Variants in SEM1 observed in about 807,000 individuals in gnomAD.
SEM1 encodes the protein SEM1 26S proteasome subunit.
SEM1 carries 3 observed loss-of-function variants against 12.7 expected under a neutral mutation model. The ratio of observed to expected loss-of-function variants is 0.24; its 90% CI spans 0.11 to 0.61. The LOEUF is 0.61. Ranked by LOEUF, SEM1 falls within the 20% of genes least tolerant of loss-of-function variation. SEM1 has a pLI of 0.88. For missense variants in SEM1, 59 were observed against 81.3 expected (o/e 0.73, Z 1.06); for synonymous variants, 30 against 27.8 (o/e 1.08, Z -0.25).
intron 1 of SEM1, among the ~76,000 whole-genome samples, chr7:96,698,421 C>T (rs897548874): frequency 7.8e-6 from 1 of 128,040 alleles, no homozygotes; most frequent in African/African-American, 3.6e-5. Context: ...CCTTGCTTCC[C>T]ACCCCGACAG....
chr7:96,707,732 TAC>T (rs1312183891), intron 1 of SEM1, among the ~76,000 whole-genome samples: 1 of 152,200 alleles, frequency 6.6e-6, no homozygotes, highest in Non-Finnish European at 1.5e-5. Flanking sequence ...AAGCACAAAC[TAC>T]ACTCGCAAAA....
intron 2 of SEM1, among the ~76,000 whole-genome samples, chr7:96,569,376 G>T (rs1305046593): frequency 6.6e-6 from 1 of 152,020 alleles, no homozygotes; most frequent in Non-Finnish European, 1.5e-5. Context: ...TGTGTACTTT[G>T]CAGTGAATGG....
chr7:96,638,589 A>G (rs1300220699), intron 2 of SEM1, among the ~76,000 whole-genome samples: 1 of 151,916 alleles, frequency 6.6e-6, no homozygotes, highest in Non-Finnish European at 1.5e-5. Flanking sequence ...TATATTTTCT[A>G]TCTAGTAACA....
intron 2 of SEM1, among the ~76,000 whole-genome samples, chr7:96,560,500 C>T (rs1158452285): frequency 6.6e-6 from 1 of 151,856 alleles, no homozygotes; most frequent in African/African-American, 2.4e-5. Flanking sequence ...TTTATAGTAC[C>T]AACAGTACTT....
chr7:96,614,529 G>A (rs1807642323), intron 2 of SEM1, among the ~76,000 whole-genome samples: 1 of 152,194 alleles, frequency 6.6e-6, no homozygotes, highest in African/African-American at 2.4e-5. Context: ...GACTTTTGCT[G>A]CTGCTTCTTG....
At chr7:96,527,376 G>T (rs531243601) in intron 2 of SEM1, among the ~76,000 whole-genome samples, 1 of 152,238 alleles carries the variant, frequency 6.6e-6, no homozygotes, top group African/African-American at 2.4e-5. Flanking sequence ...TGGTTCCCAT[G>T]ATTTAGAGCA....
At chr7:96,615,221 TGGGTTA>T (rs1451813679) in intron 2 of SEM1, among the ~76,000 whole-genome samples, 7 of 151,412 alleles carry the variant, frequency 4.6e-5, no homozygotes, top group Non-Finnish European at 7.4e-5. Context: ...ACTGGACTGT[TGGGTTA>T]TTTTTTGAGT....
intron 2 of SEM1, among the ~76,000 whole-genome samples, chr7:96,694,268 A>G (rs1388590468): frequency 6.6e-6 from 1 of 152,006 alleles, no homozygotes; most frequent in African/African-American, 2.4e-5. Context: ...AACTAAATAG[A>G]GATGATGGTT....
intron 2 of SEM1, among the ~76,000 whole-genome samples, chr7:96,646,977 A>G (rs959483563): frequency 1.3e-5 from 2 of 152,228 alleles, no homozygotes; most frequent in African/African-American, 4.8e-5. Flanking sequence ...TATTAAATAT[A>G]TCCACATATT....
chr7:96,582,356 C>G (rs1483530779), intron 2 of SEM1, among the ~76,000 whole-genome samples: 5 of 150,132 alleles, frequency 3.3e-5, no homozygotes, highest in African/African-American at 1.2e-4. Flanking sequence ...TTTTGATGTG[C>G]TGCTGGATTC....
chr7:96,572,190 G>A (rs892390754), intron 2 of SEM1, among the ~76,000 whole-genome samples: 4 of 151,672 alleles, frequency 2.6e-5, no homozygotes, highest in Admixed American at 2.6e-4. Flanking sequence ...TCATTAGTCT[G>A]GCTAACCATC....
chr7:96,672,778 A>C (rs1347954534), downstream of SEM1: 2 of 152,214 alleles, frequency 1.3e-5, no homozygotes, highest in Admixed American at 1.3e-4. Context: ...CCTCTTCTAC[A>C]GGGTCAGGCA....
At chr7:96,523,256 T>G (rs1804342948) in intron 2 of SEM1, among the ~76,000 whole-genome samples, 1 of 152,122 alleles carries the variant, frequency 6.6e-6, no homozygotes, top group African/African-American at 2.4e-5. Flanking sequence ...ATCTAGAAAC[T>G]GGAATAAATG....
chr7:96,538,896 A>T (rs528087957), intron 2 of SEM1, among the ~76,000 whole-genome samples: 19 of 151,862 alleles, frequency 1.3e-4, no homozygotes, highest in African/African-American at 4.3e-4. Flanking sequence ...CACAATGATT[A>T]CTCCTCTTTT....
chr7:96,490,370 A>G (rs995482791), intron 1 of SEM1, among the ~76,000 whole-genome samples: 10 of 152,212 alleles, frequency 6.6e-5, no homozygotes, highest in Admixed American at 3.3e-4. Context: ...AGGGCATTTT[A>G]TAGGGAACAT....
exon 4 of SEM1, chr7:96,483,928 A>G (rs1802647236): frequency 1.3e-6 from 2 of 1,536,552 alleles, no homozygotes; most frequent in African/African-American, 2.7e-5. Context: ...GGCAAGAACA[A>G]TCTTCACAGT....
intron 2 of SEM1, among the ~76,000 whole-genome samples, chr7:96,571,756 T>C (rs1806037259): frequency 6.6e-6 from 1 of 152,036 alleles, no homozygotes; most frequent in African/African-American, 2.4e-5. Context: ...TGAAATTTTC[T>C]TTTTTTGTTG....
chr7:96,488,502 A>G (rs150939395), intron 1 of SEM1, among the ~76,000 whole-genome samples: 1 of 152,270 alleles, frequency 6.6e-6, no homozygotes, highest in Non-Finnish European at 1.5e-5. Context: ...CATAAGAGAA[A>G]CTTGAGCTGA....
chr7:96,551,305 T>A (rs992156823), intron 2 of SEM1, among the ~76,000 whole-genome samples: 14 of 152,180 alleles, frequency 9.2e-5, no homozygotes, highest in African/African-American at 3.4e-4. Flanking sequence ...GAATGTGACC[T>A]TATTTGGAAA....
Sources: allele counts gnomAD v4.1 joint callset (sites outside exome capture counted in the v4.1 genomes callset), GRCh38; gene constraint gnomAD v4.1.1; transcripts MANE v1.5; gene names NCBI Gene and HGNC (gene_info 2026-07-23, HGNC 2026-07-21).